ASH1L: variants seen among roughly 807,000 people sequenced by gnomAD.
ASH1L encodes the protein histone-lysine N-methyltransferase ASH1L.
Under a neutral mutation model 269.0 loss-of-function variants are expected in ASH1L, and 23 were observed. The observed-to-expected ratio is 0.09, with a 90% CI of 0.06 to 0.12. The LOEUF is 0.12. Among genes scored for constraint, ASH1L ranks in the 10% least tolerant of loss-of-function variants. The pLI is 1.00. For synonymous variants in ASH1L, 1,187 were observed against 1,253.5 expected (o/e 0.95, Z 1.12); for missense variants, 2,912 against 3,567.8 (o/e 0.82, Z 4.68).
intron 3 of ASH1L, among the ~76,000 whole-genome samples, chr1:155,463,615 A>C (rs1424380030): frequency 6.6e-6 from 1 of 152,038 alleles, no homozygotes; most frequent in Non-Finnish European, 1.5e-5. Flanking sequence ...CAATATGGCG[A>C]AACTCAGTCT....
At chr1:155,430,527 T>C (rs971544423) in intron 5 of ASH1L, among the ~76,000 whole-genome samples, 3 of 152,226 alleles carry the variant, frequency 2.0e-5, no homozygotes, top group Non-Finnish European at 2.9e-5. Context: ...TCCCATTTGA[T>C]GGGCTTAAAG....
chr1:155,542,828 C>T (rs1264802208), intron 1 of ASH1L, among the ~76,000 whole-genome samples: 2 of 151,180 alleles, frequency 1.3e-5, no homozygotes, highest in Non-Finnish European at 2.9e-5. Flanking sequence ...TACATGTGCC[C>T]GCCACCATGC....
At chr1:155,482,735 A>T (rs534026981) in intron 2 of ASH1L, among the ~76,000 whole-genome samples, 1 of 152,328 alleles carries the variant, frequency 6.6e-6, no homozygotes, top group East Asian at 1.9e-4. Flanking sequence ...TTAAATGGCA[A>T]ATCAATAGTC....
At chr1:155,380,511 G>A (rs142563429) in intron 7 of ASH1L, among the ~76,000 whole-genome samples, 43 of 152,060 alleles carry the variant, frequency 2.8e-4, no homozygotes, top group African/African-American at 9.9e-4. Context: ...TAAATAACTC[G>A]AGAAGTTTTC....
chr1:155,561,674 A>G (rs1236133864), intron 1 of ASH1L, among the ~76,000 whole-genome samples: 1 of 152,030 alleles, frequency 6.6e-6, no homozygotes, highest in Non-Finnish European at 1.5e-5. Context: ...TTCCATGTAC[A>G]AACTAACCAG....
intron 2 of ASH1L, among the ~76,000 whole-genome samples, chr1:155,490,664 TCTC>T (rs1447080020): frequency 1.4e-5 from 2 of 147,314 alleles, no homozygotes; most frequent in East Asian, 2.0e-4. Flanking sequence ...ACTCTCTCTC[TCTC>T]TTTTTCTGGC....
intron 1 of ASH1L, among the ~76,000 whole-genome samples, chr1:155,534,686 A>G (rs1368139565): frequency 6.6e-6 from 1 of 152,148 alleles, no homozygotes; most frequent in African/African-American, 2.4e-5. Flanking sequence ...TTTAAGTGGA[A>G]AGTCAAAGAG....
chr1:155,349,505 T>A, intron 18 of ASH1L, 37 bp downstream of exon 18: 1 of 1,614,084 alleles, frequency 6.2e-7, no homozygotes, highest in Non-Finnish European at 8.5e-7. Context: ...TTAGCACTTT[T>A]TAAAAACTCA....
rs1558150870 is a variant in ASH1L, at chr1:155,480,735, CTTTTTT to C, written c.2129_2134del (p.Lys710_Lys711del). 4 of 1,612,866 alleles carry C rather than the reference CTTTTTT, an allele frequency of 2.5e-6. No homozygotes were observed. The Admixed American group carries it at 5.0e-5, about 20-fold the overall frequency. On this transcript the variant is annotated inframe_deletion, in exon 3 of 28. Transcript: ENST00000392403. ...AGTCCACCGAGGTTTTCTTCCTTTT[CTTTTTT>C]TTAATGGTTTGGACTGCAAACTAGT...
chr1:155,422,133 T>C (rs1221717799), intron 5 of ASH1L, among the ~76,000 whole-genome samples: 1 of 152,098 alleles, frequency 6.6e-6, no homozygotes, highest in Non-Finnish European at 1.5e-5. Context: ...TGTGTCTGGC[T>C]TACTTCACTT....
At position 155,478,251 on chromosome 1, in the gene ASH1L, C is replaced by CAGG; in HGVS notation, c.4616_4618dup (p.Ser1539dup). ...GCTTTTTGAAGGAGAGAGATGAGGG[C>CAGG]AGGACATGTGACAACGGTGCTTTTC... On this transcript the variant is annotated inframe_insertion, in exon 3 of 28. Coordinates refer to ENST00000392403, the MANE Select transcript of ASH1L (RefSeq NM_018489.3). The surrounding 1 kb of genome is among the most constrained non-coding windows in gnomAD (Gnocchi z 4.6). 1 of 1,614,086 alleles carries CAGG rather than the reference C, an allele frequency of 6.2e-7. No individual in the cohort carries two copies. Among genetic ancestry groups the CAGG allele is most frequent in the Non-Finnish European group, 8.5e-7 (1 of 1,180,026 alleles).
chr1:155,535,952 C>T (rs529184252), intron 1 of ASH1L, among the ~76,000 whole-genome samples: 41 of 151,272 alleles, frequency 2.7e-4, no homozygotes, highest in Non-Finnish European at 4.3e-4. Flanking sequence ...GAGCCGAGAT[C>T]GTGCCATTGC....
At chr1:155,452,117 C>A (rs1243034591) in intron 4 of ASH1L, among the ~76,000 whole-genome samples, 4 of 151,166 alleles carry the variant, frequency 2.6e-5, no homozygotes, top group Non-Finnish European at 4.4e-5. Flanking sequence ...TGGCTCACTG[C>A]AACCTCCACC....
Position 155,343,467 on chromosome 1 carries a change from C to A in ASH1L, c.8140G>T (p.Gly2714Cys). 6.2e-7 allele frequency: 1 copy of A among 1,613,954 alleles called. No homozygotes were observed. The highest frequency in any genetic ancestry group is 8.5e-7 in the Non-Finnish European group (1 of 1,179,930). The change falls in exon 24 of 28, where the codon GGT (glycine) becomes TGT (cysteine). Residue 2714 changes from glycine (G) to cysteine (C), a missense_variant. Gly to Cys is a radical substitution (Grantham distance 159). This residue lies in a region of ASH1L where 179 missense variants were observed against 293.8 expected (regional missense o/e 0.61). Transcript: ENST00000392403. This position sits in a 1 kb window ranked among gnomAD's most constrained non-coding sequence, Gnocchi z 6.1. Reference protein sequence around the residue: ...KNEKEERFAFGHHYFRPHETH... With the variant: ...KNEKEERFAFCHHYFRPHETH... ...TCGTGGGGACGGAAATAATGGTGAC[C>A]AAAGGCAAACCGTTCCTCTCTAAAA...
intron 21 of ASH1L, among the ~76,000 whole-genome samples, chr1:155,345,416 C>A (rs780965677): frequency 6.6e-6 from 1 of 150,908 alleles, no homozygotes; most frequent in African/African-American, 2.4e-5. Flanking sequence ...AACTCCTAAC[C>A]CCATGATCCA....
intron 5 of ASH1L, among the ~76,000 whole-genome samples, chr1:155,432,108 T>C (rs1661655036): frequency 6.6e-6 from 1 of 152,182 alleles, no homozygotes; most frequent in Non-Finnish European, 1.5e-5. Flanking sequence ...TACAAGGTTC[T>C]TGGCACAATC....
intron 4 of ASH1L, among the ~76,000 whole-genome samples, chr1:155,454,365 C>CCT (rs1292501578): frequency 6.6e-6 from 1 of 152,200 alleles, no homozygotes; most frequent in Non-Finnish European, 1.5e-5. Context: ...CTCCCACTTA[C>CCT]CTCTTCAGTC....
chr1:155,498,725 G>C (rs886099815), intron 2 of ASH1L, among the ~76,000 whole-genome samples: 2 of 151,990 alleles, frequency 1.3e-5, no homozygotes, highest in African/African-American at 4.8e-5. Context: ...ACAGGCATAA[G>C]CCACTGTGCC....
intron 1 of ASH1L, among the ~76,000 whole-genome samples, chr1:155,551,591 C>T (rs9661797): frequency 7.2e-6 from 1 of 138,920 alleles, no homozygotes; most frequent in Non-Finnish European, 1.5e-5. Flanking sequence ...ACCCGGGAGG[C>T]GGAGCTTGCA....
Sources: allele counts gnomAD v4.1 joint callset (sites outside exome capture counted in the v4.1 genomes callset), GRCh38; gene constraint gnomAD v4.1.1; regional missense constraint gnomAD v4.1.1; non-coding constraint Gnocchi (gnomAD v3.1); transcripts MANE v1.5; gene names NCBI Gene and HGNC (gene_info 2026-07-23, HGNC 2026-07-21).